Variants in TRAPPC9 observed in about 807,000 individuals in gnomAD.
TRAPPC9 encodes the protein IKK2 binding protein.
Under a neutral mutation model 124.0 loss-of-function variants are expected in TRAPPC9, and 83 were observed. The observed-to-expected ratio is 0.67, with a 90% CI of 0.56 to 0.80. The LOEUF is 0.80. Among genes scored for constraint, TRAPPC9 ranks in the 30% least tolerant of loss-of-function variants. The probability of loss-of-function intolerance (pLI) is 0.00; values close to 1 mark genes in which losing one functional copy is unlikely to be tolerated. For missense variants in TRAPPC9, 1,302 were observed against 1,508.3 expected (o/e 0.86, Z 2.27); for synonymous variants, 638 against 617.5 (o/e 1.03, Z -0.49).
chr8:140,127,444 C>T (rs1442209191), intron 17 of TRAPPC9, among the ~76,000 whole-genome samples: 1 of 152,216 alleles, frequency 6.6e-6, no homozygotes, highest in East Asian at 1.9e-4. Context: ...ATACAGCTCT[C>T]TTCAATCAGA....
chr8:139,884,588 CA>C (rs1354196068), intron 21 of TRAPPC9, among the ~76,000 whole-genome samples: 1 of 152,212 alleles, frequency 6.6e-6, no homozygotes, highest in Non-Finnish European at 1.5e-5. Flanking sequence ...ATCTCACGGC[CA>C]GGGGGGCCCA....
chr8:139,991,988 T>C (rs1028656609), intron 18 of TRAPPC9, among the ~76,000 whole-genome samples: 1 of 152,106 alleles, frequency 6.6e-6, no homozygotes, highest in African/African-American at 2.4e-5. Context: ...ATTATACTCC[T>C]GTGAGGGAAA....
rs61634673 is a variant in TRAPPC9 at position 140,269,553 on chromosome 8, A to AAAATAAAT, written c.2278+6097_2278+6104dup. ...AAGACTCTGTCTCAAAAAATAAAAT[A>AAAATAAAT]AAATAAATAAATAAATAAATAAATA... On this transcript the variant is annotated intron_variant, in intron 15 of 22. Transcript: ENST00000438773. Among the ~76,000 whole-genome samples, 166 of 113,862 alleles carry AAAATAAAT rather than the reference A, an allele frequency of 1.5e-3. 1 individual carries two copies. The highest frequency in any genetic ancestry group is 2.5e-3 in the African/African-American group (71 of 28,406). 74.7% of individuals were successfully genotyped at this position (113,862 alleles called of 152,430 possible).
intron 17 of TRAPPC9, among the ~76,000 whole-genome samples, chr8:140,102,825 T>C (rs1292658267): frequency 6.6e-6 from 1 of 152,194 alleles, no homozygotes; most frequent in Non-Finnish European, 1.5e-5. Context: ...TCTGGGCAAA[T>C]ACTTTCAAGT....
intron 17 of TRAPPC9, among the ~76,000 whole-genome samples, chr8:140,171,547 A>T (rs1404565073): frequency 2.0e-5 from 3 of 152,284 alleles, no homozygotes; most frequent in Non-Finnish European, 2.9e-5. Context: ...AGATCTTACA[A>T]GACTTATTTA....
At chr8:139,874,020 G>A (rs990007967) in intron 21 of TRAPPC9, among the ~76,000 whole-genome samples, 2 of 152,236 alleles carry the variant, frequency 1.3e-5, no homozygotes, top group African/African-American at 2.4e-5. Flanking sequence ...TTCTCGGCAG[G>A]AGCATGGGTC....
intron 19 of TRAPPC9, among the ~76,000 whole-genome samples, chr8:139,963,047 G>T (rs943513271): frequency 7.2e-5 from 11 of 152,246 alleles, no homozygotes; most frequent in African/African-American, 2.7e-4. Context: ...GTGATAATTT[G>T]TTACAGCAGC....
At position 140,049,552 on chromosome 8, in the gene TRAPPC9, C is replaced by CG. The variant is rs370863868; in HGVS notation, c.2557-25474_2557-25473insC. On this transcript the variant is annotated intron_variant, in intron 17 of 22. Coordinates refer to ENST00000438773, the MANE Select transcript of TRAPPC9 (RefSeq NM_001160372.4). ...AGATAAATCCTACAGGGCTCCCCCCCCCGAGACCACCAAATTATTTCCCTG... is the reference window on the plus strand; with the variant it reads ...AGATAAATCCTACAGGGCTCCCCCCCGCCGAGACCACCAAATTATTTCCCTG... Among the ~76,000 whole-genome samples the CG allele has an allele frequency of 2.7e-3, 408 of 151,398 alleles. 2 individuals are homozygous for CG. Among genetic ancestry groups the CG allele is most frequent in the African/African-American group, 9.4e-3 (388 of 41,232 alleles).
intron 7 of TRAPPC9, among the ~76,000 whole-genome samples, chr8:140,390,522 C>T (rs1485403040): frequency 6.6e-6 from 1 of 152,102 alleles, no homozygotes; most frequent in South Asian, 2.1e-4. Flanking sequence ...AGTCCTCTCC[C>T]TCTTTCCTCA....
chr8:139,800,047 G>T (rs1013199149), intron 21 of TRAPPC9, among the ~76,000 whole-genome samples: 1 of 152,246 alleles, frequency 6.6e-6, no homozygotes, highest in East Asian at 1.9e-4. Context: ...GGAAGGCACA[G>T]CAAACAGATG....
intron 21 of TRAPPC9, among the ~76,000 whole-genome samples, chr8:139,787,152 C>T (rs997684874): frequency 6.6e-6 from 1 of 152,308 alleles, no homozygotes; most frequent in East Asian, 1.9e-4. Context: ...CTTATGAAAA[C>T]ACAGCGAGCT....
At chr8:140,026,231 C>T (rs1183462047) in intron 17 of TRAPPC9, among the ~76,000 whole-genome samples, 1 of 152,302 alleles carries the variant, frequency 6.6e-6, no homozygotes, top group South Asian at 2.1e-4. Context: ...CTGTGTCTTA[C>T]TCATCCATTC....
chr8:139,829,010 A>C (rs983368758), intron 21 of TRAPPC9, among the ~76,000 whole-genome samples: 1 of 152,240 alleles, frequency 6.6e-6, no homozygotes, highest in African/African-American at 2.4e-5. Flanking sequence ...TTCTCTGCTT[A>C]AAAATTCCTA....
At chr8:139,854,031 C>A (rs1014206502) in intron 21 of TRAPPC9, among the ~76,000 whole-genome samples, 3 of 152,076 alleles carry the variant, frequency 2.0e-5, no homozygotes, top group Non-Finnish European at 2.9e-5. Flanking sequence ...GGCAAATGGT[C>A]TCACTGAAAG....
chr8:140,095,022 T>C (rs544226518), intron 17 of TRAPPC9: 13 of 152,252 alleles, frequency 8.5e-5, no homozygotes, highest in Non-Finnish European at 1.3e-4. Flanking sequence ...CTGATTAGAA[T>C]TGGATTTCCA....
At chr8:140,023,339 C>G (rs1431124056) in intron 18 of TRAPPC9, among the ~76,000 whole-genome samples, 1 of 152,242 alleles carries the variant, frequency 6.6e-6, no homozygotes, top group Non-Finnish European at 1.5e-5. Flanking sequence ...AAAGAATACC[C>G]TGAGTATCTC....
chr8:139,975,217 G>C (rs1326439297), intron 19 of TRAPPC9, among the ~76,000 whole-genome samples: 1 of 152,224 alleles, frequency 6.6e-6, no homozygotes, highest in Admixed American at 6.5e-5. Context: ...CACAGGTGTG[G>C]CTTCTGGGCA....
chr8:140,432,074 C>T (rs1021131068), intron 4 of TRAPPC9, among the ~76,000 whole-genome samples: 2 of 152,076 alleles, frequency 1.3e-5, no homozygotes, highest in African/African-American at 2.4e-5. Context: ...ACAACAACAA[C>T]AGCAAAATTC....
intron 17 of TRAPPC9, among the ~76,000 whole-genome samples, chr8:140,208,287 C>G (rs2062974332): frequency 6.6e-6 from 1 of 152,194 alleles, no homozygotes; most frequent in Non-Finnish European, 1.5e-5. Context: ...CTATGAGACA[C>G]ACCGGAAGTG....
Sources: gnomAD v4.1 joint callset for allele counts (sites outside exome capture counted in the v4.1 genomes callset) on GRCh38, gnomAD v4.1.1 for gene constraint, MANE v1.5 for transcripts, NCBI Gene and HGNC (gene_info 2026-07-23, HGNC 2026-07-21) for gene names.